The following B3GALT1 variants were observed in gnomAD, a reference collection of about 807,000 sequenced individuals.
B3GALT1 encodes UDP-Gal:betaGlcNAc beta 1,3-galactosyltransferase, polypeptide 1.
A neutral mutation model predicts 23.2 loss-of-function variants in B3GALT1; 10 were observed. That is an observed-to-expected ratio of 0.43 (90% confidence interval 0.27 to 0.73). The LOEUF is 0.73. Among genes scored for constraint, B3GALT1 ranks in the 30% least tolerant of loss-of-function variants. The probability of loss-of-function intolerance (pLI) is 0.21; values close to 1 mark genes in which losing one functional copy is unlikely to be tolerated. For synonymous variants in B3GALT1, 156 were observed against 141.5 expected (o/e 1.10, Z -0.73); for missense variants, 299 against 405.4 (o/e 0.74, Z 2.25).
intron 1 of B3GALT1, among the ~76,000 whole-genome samples, chr2:167,320,886 A>T (rs1483780242): frequency 6.6e-6 from 1 of 152,100 alleles, no homozygotes; most frequent in Non-Finnish European, 1.5e-5. Flanking sequence ...TCTAAGTTTA[A>T]ACCTATTAAT....
At chr2:167,316,993 G>A (rs1390570174) in intron 1 of B3GALT1, among the ~76,000 whole-genome samples, 3 of 151,978 alleles carry the variant, frequency 2.0e-5, no homozygotes, top group African/African-American at 2.4e-5. Context: ...TAACAATTTC[G>A]AGTTTCTGTC....
At chr2:167,731,574 A>G (rs1687410640) in intron 3 of B3GALT1, among the ~76,000 whole-genome samples, 1 of 152,186 alleles carries the variant, frequency 6.6e-6, no homozygotes, top group Admixed American at 6.5e-5. Flanking sequence ...TTACAGTACT[A>G]CCAGTCTATC....
chr2:167,488,789 T>A (rs1046768206), intron 1 of B3GALT1, among the ~76,000 whole-genome samples: 6 of 152,194 alleles, frequency 3.9e-5, no homozygotes, highest in African/African-American at 7.2e-5. Context: ...TCATTATAGC[T>A]TATTTTTGCC....
intron 2 of B3GALT1, among the ~76,000 whole-genome samples, chr2:167,588,866 TTTCCTTCCTTCC>T (rs764207112): frequency 2.2e-5 from 3 of 133,746 alleles, no homozygotes; most frequent in East Asian, 2.6e-4. Context: ...TCCTTCCTTC[TTTCCTTCCTTCC>T]TTCCTTCCTT....
chr2:167,603,775 T>G (rs1558921476), intron 2 of B3GALT1, among the ~76,000 whole-genome samples: 1 of 152,190 alleles, frequency 6.6e-6, no homozygotes, highest in Non-Finnish European at 1.5e-5. Context: ...ATTGGGAGAT[T>G]CTACTATTGT....
intron 3 of B3GALT1, among the ~76,000 whole-genome samples, chr2:167,713,295 G>A (rs1401000280): frequency 1.3e-5 from 2 of 152,272 alleles, no homozygotes; most frequent in Admixed American, 6.5e-5. Context: ...GGTTTTCTTG[G>A]AAGGAAGATC....
In B3GALT1 at chr2:167,416,210, C is replaced by T. The variant is rs374438633; in HGVS notation, c.-510-73967C>T. On this transcript the variant is annotated intron_variant, in intron 1 of 4. Coordinates refer to ENST00000392690, the MANE Select transcript of B3GALT1 (RefSeq NM_020981.4). ...TCACAGGCCCAGAGGCTTAGGAGGACAGAGTGGCTTTGGGGACAGACTCAG... is the reference window on the plus strand; with the variant it reads ...TCACAGGCCCAGAGGCTTAGGAGGATAGAGTGGCTTTGGGGACAGACTCAG... 2.0e-5 allele frequency among the ~76,000 whole-genome samples: 3 copies of T among 152,254 alleles called. No individual in the cohort carries two copies. In the East Asian group the frequency reaches 5.8e-4, roughly 30 times the overall value.
chr2:167,560,314 A>C (rs368255671), intron 2 of B3GALT1, among the ~76,000 whole-genome samples: 1 of 152,204 alleles, frequency 6.6e-6, no homozygotes, highest in South Asian at 2.1e-4. Context: ...AGCACTAAAC[A>C]TGGAAAGGCA....
chr2:167,469,417 T>G (rs562987472), intron 1 of B3GALT1, among the ~76,000 whole-genome samples: 1 of 152,326 alleles, frequency 6.6e-6, no homozygotes, highest in East Asian at 1.9e-4. Flanking sequence ...TAGTAAATAA[T>G]GACTTGGAAA....
intron 2 of B3GALT1, among the ~76,000 whole-genome samples, chr2:167,545,101 C>A (rs1683610152): frequency 7.8e-6 from 1 of 127,714 alleles, no homozygotes; most frequent in African/African-American, 3.0e-5. Context: ...GTGGCACGAT[C>A]TCTACTCACT....
At chr2:167,337,162 A>T (rs190928590) in intron 1 of B3GALT1, among the ~76,000 whole-genome samples, 151 of 152,276 alleles carry the variant, frequency 9.9e-4, no homozygotes, top group African/African-American at 3.4e-3. Context: ...TTGTTCTTCA[A>T]TTTTAACTGA....
intron 2 of B3GALT1, among the ~76,000 whole-genome samples, chr2:167,494,866 C>A (rs776791031): frequency 2.6e-5 from 4 of 151,936 alleles, no homozygotes; most frequent in Non-Finnish European, 4.4e-5. Context: ...AAAAGCTAGA[C>A]AAGTAGTTCA....
At chr2:167,381,170 C>T (rs113463853) in intron 1 of B3GALT1, among the ~76,000 whole-genome samples, 2,668 of 152,164 alleles carry the variant, frequency 0.018, 86 homozygotes, top group African/African-American at 0.061. Context: ...CAGGCTCAAG[C>T]GATCCTCCCA....
chr2:167,869,953 A>T lies in B3GALT1; in HGVS notation c.914A>T (p.Gln305Leu). The T allele has an allele frequency of 1.2e-6, 2 of 1,614,044 alleles. No individual in the cohort carries two copies. Among genetic ancestry groups the T allele is most frequent in the Non-Finnish European group, 1.7e-6 (2 of 1,179,956 alleles). ...CRYRRVITVH[Q>L]ISPEEMHRIW... is the part of the protein sequence containing the mutation. ...TATCGCCGAGTTATCACTGTGCATC[A>T]GATCTCTCCAGAAGAAATGCACAGA... The change falls in exon 5 of 5, where the codon CAG becomes CTG. Residue 305 changes from glutamine (Q) to leucine (L), a missense_variant. Gln to Leu is a moderately radical substitution (Grantham distance 113). Coordinates refer to ENST00000392690, the MANE Select transcript of B3GALT1 (RefSeq NM_020981.4). This position sits in a 1 kb window ranked among gnomAD's most constrained non-coding sequence, Gnocchi z 6.4.
chr2:167,562,872 A>C (rs2105390864), intron 2 of B3GALT1, among the ~76,000 whole-genome samples: 1 of 152,082 alleles, frequency 6.6e-6, no homozygotes, highest in African/African-American at 2.4e-5. Flanking sequence ...TGCTGCCTTC[A>C]AGCATCTGTT....
intron 1 of B3GALT1, among the ~76,000 whole-genome samples, chr2:167,413,786 G>T (rs1202388759): frequency 1.3e-5 from 2 of 151,524 alleles, no homozygotes; most frequent in Non-Finnish European, 3.0e-5. Flanking sequence ...GTTTTATTAG[G>T]TTTTTTTCCT....
intron 4 of B3GALT1, among the ~76,000 whole-genome samples, chr2:167,820,732 T>G (rs940141019): frequency 2.6e-5 from 4 of 152,262 alleles, no homozygotes; most frequent in Non-Finnish European, 5.9e-5. Context: ...ACTATTATTA[T>G]TAGGGGCTTT....
At chr2:167,408,864 A>G (rs936632578) in intron 1 of B3GALT1, among the ~76,000 whole-genome samples, 1 of 151,972 alleles carries the variant, frequency 6.6e-6, no homozygotes, top group African/African-American at 2.4e-5. Flanking sequence ...AAAGAAATTG[A>G]AGAAGACACA....
chr2:167,660,123 C>G (rs769354642), intron 3 of B3GALT1, among the ~76,000 whole-genome samples: 2 of 152,024 alleles, frequency 1.3e-5, no homozygotes, highest in Non-Finnish European at 2.9e-5. Flanking sequence ...GATGTTTTGG[C>G]AGGAAAATTT....
Sources: gnomAD v4.1 joint callset for allele counts (sites outside exome capture counted in the v4.1 genomes callset) on GRCh38, gnomAD v4.1.1 for gene constraint, Gnocchi (gnomAD v3.1) non-coding constraint, MANE v1.5 for transcripts, NCBI Gene and HGNC (gene_info 2026-07-23, HGNC 2026-07-21) for gene names.